The following ANKRD18B variants were observed in gnomAD, a reference collection of about 807,000 sequenced individuals.
The protein encoded by ANKRD18B is ankyrin repeat domain 18B.
In ANKRD18B, 75 loss-of-function variants were observed where a neutral mutation model predicts 111.8. The ratio of observed to expected loss-of-function variants is 0.67; its 90% CI spans 0.56 to 0.81. The LOEUF is 0.81. Ranked by LOEUF, ANKRD18B falls within the 40% of genes least tolerant of loss-of-function variation. The pLI, the probability that ANKRD18B is intolerant of heterozygous loss-of-function variation, is 0.00. For missense variants in ANKRD18B, 1,038 were observed against 1,225.5 expected (o/e 0.85, Z 2.28); for synonymous variants, 356 against 417.3 (o/e 0.85, Z 1.79).
chr9:33,543,318 C>T, intron 10 of ANKRD18B, 63 bp downstream of exon 10: 5 of 1,364,596 alleles, frequency 3.7e-6, no homozygotes, highest in Admixed American at 4.4e-5. Context: ...AATAACATAG[C>T]ATAGTCCAAA....
chr9:33,557,769 A>C (rs1828548063), intron 13 of ANKRD18B, among the ~76,000 whole-genome samples: 1 of 152,138 alleles, frequency 6.6e-6, no homozygotes, highest in Admixed American at 6.6e-5. Context: ...GCCTGAGCAA[A>C]AAGAGTGAAG....
rs1458903126 is a variant in ANKRD18B, at chr9:33,539,431, A to G, written c.809-18A>G. Reference sequence around the variant, plus strand: ...TGTTTGGCAGAAATAGTATCTAACAAGCTTGCATGTTTGACAGAAGCAGCA... The same window carrying G: ...TGTTTGGCAGAAATAGTATCTAACAGGCTTGCATGTTTGACAGAAGCAGCA... On this transcript the variant is annotated intron_variant, in intron 6 of 18. Coordinates refer to ENST00000684830, the MANE Select transcript of ANKRD18B (RefSeq NM_001393611.1). 1 of 165,282 alleles carries G rather than the reference A, an allele frequency of 6.1e-6. No individual in the cohort carries two copies. Among genetic ancestry groups the G allele is most frequent in the Non-Finnish European group, 1.5e-5 (1 of 68,130 alleles). 10.2% of individuals were successfully genotyped at this position (165,282 alleles called of 1,614,324 possible).
intron 14 of ANKRD18B, among the ~76,000 whole-genome samples, chr9:33,562,487 A>G (rs1828621548): frequency 6.6e-6 from 1 of 152,146 alleles, no homozygotes; most frequent in Non-Finnish European, 1.5e-5. Context: ...CTAGCTCAGT[A>G]GAGGATTCTT....
intron 10 of ANKRD18B, among the ~76,000 whole-genome samples, chr9:33,543,633 A>G (rs1828315746): frequency 6.6e-6 from 1 of 152,186 alleles, no homozygotes; most frequent in South Asian, 2.1e-4. Flanking sequence ...AGGAGTCATC[A>G]TTCCCGGTGG....
rs1449283491 is a variant in ANKRD18B at position 33,550,532 on chromosome 9, G to A, written c.2170G>A (p.Asp724Asn). 11 of 1,545,358 alleles carry A rather than the reference G, an allele frequency of 7.1e-6. No homozygotes were observed. Among genetic ancestry groups the A allele is most frequent in the Non-Finnish European group, 5.2e-6 (6 of 1,144,660 alleles). ...EGTSHCHINL[D>N]ETWTSKKKLF... The stretch of plus-strand genomic sequence containing the variant: ...TACATCACATTGTCATATTAATTTG[G>A]ATGAGACATGGACTTCAAAGAAGAA... The change falls in exon 12 of 19, where the codon GAT becomes AAT. Residue 724 changes from aspartate (D) to asparagine (N), a missense_variant. Asp to Asn is a conservative substitution (Grantham distance 23). Coordinates refer to ENST00000684830, the MANE Select transcript of ANKRD18B (RefSeq NM_001393611.1).
intron 14 of ANKRD18B, among the ~76,000 whole-genome samples, chr9:33,562,744 C>T (rs553370972): frequency 7.0e-4 from 106 of 152,266 alleles, no homozygotes; most frequent in African/African-American, 2.4e-3. Context: ...TGTCTTAACA[C>T]TCAAAGTATG....
downstream of ANKRD18B, among the ~76,000 whole-genome samples, chr9:33,575,336 C>T (rs949941764): frequency 7.2e-6 from 1 of 139,036 alleles, no homozygotes; most frequent in Non-Finnish European, 1.5e-5. Context: ...TAGTGACCAG[C>T]CCAACATGGA....
chr9:33,546,490 A>G (rs1436628769), intron 10 of ANKRD18B, among the ~76,000 whole-genome samples: 1 of 152,140 alleles, frequency 6.6e-6, no homozygotes, highest in Non-Finnish European at 1.5e-5. Flanking sequence ...CCTCAGCCAA[A>G]AATTTAGCAT....
At chr9:33,529,787 A>T (rs1828084430) in intron 3 of ANKRD18B, among the ~76,000 whole-genome samples, 5 of 152,186 alleles carry the variant, frequency 3.3e-5, no homozygotes, top group Admixed American at 3.3e-4. Flanking sequence ...AGTGACTGAA[A>T]CTTGCCTAAA....
chr9:33,547,801 T>C (rs58727961), intron 10 of ANKRD18B, 137 bp from the exon 11 acceptor site: 26,273 of 609,666 alleles, frequency 0.043, 1,180 homozygotes, highest in East Asian at 0.21. Context: ...AGGTTTTGCT[T>C]CAATTTTTTT....
intron 14 of ANKRD18B, among the ~76,000 whole-genome samples, chr9:33,559,165 G>A (rs538191153): frequency 1.3e-5 from 2 of 152,174 alleles, no homozygotes; most frequent in African/African-American, 4.8e-5. Context: ...GCAGTCCTCA[G>A]AGAAAATAGA....
At chr9:33,535,374 C>A (rs781159015) in intron 5 of ANKRD18B, among the ~76,000 whole-genome samples, 1 of 152,116 alleles carries the variant, frequency 6.6e-6, no homozygotes, top group African/African-American at 2.4e-5. Context: ...CAAGCTCCCC[C>A]TCCTGGGTTC....
chr9:33,573,273 G>A, downstream of ANKRD18B: 7 of 985,290 alleles, frequency 7.1e-6, no homozygotes, highest in Non-Finnish European at 8.4e-6. Flanking sequence ...AAGAACCACT[G>A]TCGCATCCAC....
intron 9 of ANKRD18B, among the ~76,000 whole-genome samples, chr9:33,541,684 T>A (rs1828281408): frequency 6.6e-6 from 1 of 152,168 alleles, no homozygotes. Context: ...GGTGGCAGAG[T>A]GAGACCCCAT....
chr9:33,540,549 G>A (rs1240825821), intron 8 of ANKRD18B, among the ~76,000 whole-genome samples: 3 of 152,216 alleles, frequency 2.0e-5, no homozygotes, highest in Non-Finnish European at 4.4e-5. Context: ...TGGATAGGGA[G>A]CCAGCAGTGT....
chr9:33,538,465 C>G (rs1289405732), intron 6 of ANKRD18B, among the ~76,000 whole-genome samples: 1 of 152,076 alleles, frequency 6.6e-6, no homozygotes, highest in African/African-American at 2.4e-5. Context: ...CAGGCTGGGC[C>G]TGGTGGCTCA....
chr9:33,569,176 C>G (rs1470202430), intron 17 of ANKRD18B: 2 of 267,286 alleles, frequency 7.5e-6, no homozygotes, highest in Admixed American at 5.2e-5. Context: ...TTAAAAAATG[C>G]ATGTTATTGC....
rs186381757 is a variant in ANKRD18B at position 33,536,820 on chromosome 9, G to C, written c.741-58G>C. The C allele has an allele frequency of 1.8e-3, 1,983 of 1,088,652 alleles. 3 individuals carry two copies. The highest frequency in any genetic ancestry group is 6.2e-3 in the Middle Eastern group (21 of 3,390). The allele number at this position is 1,088,652 out of a possible 1,614,324, so 67.4% of individuals were successfully genotyped here. On this transcript the variant is annotated intron_variant, in intron 5 of 18. Coordinates refer to ENST00000684830, the MANE Select transcript of ANKRD18B (RefSeq NM_001393611.1). ...ATGCTTTAAGAATTTAATCTGTTTG[G>C]TAAATATTTTTCATATCACTATTAA...
chr9:33,539,011 A>G (rs1828240565), intron 6 of ANKRD18B, among the ~76,000 whole-genome samples: 1 of 152,214 alleles, frequency 6.6e-6, no homozygotes, highest in Admixed American at 6.5e-5. Context: ...ATAATAGAAT[A>G]TAGATAACTA....
Sources: allele counts gnomAD v4.1 joint callset (sites outside exome capture counted in the v4.1 genomes callset), GRCh38; gene constraint gnomAD v4.1.1; transcripts MANE v1.5; gene names NCBI Gene and HGNC (gene_info 2026-07-23, HGNC 2026-07-21).